C1orf185: variants seen among roughly 807,000 people sequenced by gnomAD.
C1orf185 encodes chromosome 1 open reading frame 185, also known as uncharacterized protein C1orf185.
In C1orf185, 13 loss-of-function variants were observed where a neutral mutation model predicts 16.1. The ratio of observed to expected loss-of-function variants is 0.81; its 90% CI spans 0.53 to 1.28. C1orf185 has a LOEUF of 1.28. Ranked by LOEUF, C1orf185 falls within the 50% of genes most tolerant of loss-of-function variation. C1orf185 has a pLI of 0.00. For synonymous variants in C1orf185, 80 were observed against 76.9 expected (o/e 1.04, Z -0.21); for missense variants, 220 against 225.2 (o/e 0.98, Z 0.15).
At chr1:51,127,577 C>T (rs569556334) in intron 3 of C1orf185, among the ~76,000 whole-genome samples, 5 of 152,122 alleles carry the variant, frequency 3.3e-5, no homozygotes, top group Admixed American at 1.3e-4. Flanking sequence ...TGAGCCACTG[C>T]GCCCAGCAGC....
At chr1:51,128,402 G>A (rs1306339424) in intron 3 of C1orf185, among the ~76,000 whole-genome samples, 1 of 121,370 alleles carries the variant, frequency 8.2e-6, no homozygotes, top group Non-Finnish European at 1.6e-5. Flanking sequence ...CTATTTTAGT[G>A]GGTGTAAAGC....
At chr1:51,106,887 A>C (rs781201483) in intron 1 of C1orf185, among the ~76,000 whole-genome samples, 1 of 151,708 alleles carries the variant, frequency 6.6e-6, no homozygotes, top group Non-Finnish European at 1.5e-5. Flanking sequence ...CCTCCCGAGT[A>C]ACTGGGATTA....
At chr1:51,117,439 T>C (rs548258456) in intron 2 of C1orf185, among the ~76,000 whole-genome samples, 1 of 152,288 alleles carries the variant, frequency 6.6e-6, no homozygotes, top group East Asian at 1.9e-4. Context: ...TTTCGATGAA[T>C]GTGTAAAATC....
chr1:51,130,938 T>C (rs567605023), intron 3 of C1orf185, among the ~76,000 whole-genome samples: 1 of 152,370 alleles, frequency 6.6e-6, no homozygotes, highest in South Asian at 2.1e-4. Context: ...GTTTCACTCT[T>C]GTCGCCCAGG....
intron 3 of C1orf185, among the ~76,000 whole-genome samples, chr1:51,141,686 C>A (rs1012436620): frequency 1.2e-4 from 18 of 152,158 alleles, no homozygotes; most frequent in African/African-American, 4.1e-4. Flanking sequence ...TGTTTCTGAA[C>A]CACTTAAAAG....
At chr1:51,108,312 C>A (rs908325501) in intron 1 of C1orf185, among the ~76,000 whole-genome samples, 2 of 151,550 alleles carry the variant, frequency 1.3e-5, no homozygotes, top group Non-Finnish European at 2.9e-5. Context: ...TTTTAATTGA[C>A]GTAATTGTGC....
rs959618523 is a variant in C1orf185 at position 51,145,748 on chromosome 1, G to A, written c.283G>A (p.Ala95Thr). 3.1e-6 allele frequency: 4 copies of A among 1,309,964 alleles called. No individual in the cohort carries two copies. In the African/African-American group the frequency reaches 4.5e-5, roughly 15 times the overall value. 81.1% of individuals were successfully genotyped at this position (1,309,964 alleles called of 1,614,324 possible). A position where few individuals can be genotyped will look rare whatever the true frequency, so the allele number is the denominator to read the frequency against. Residue 95 changes from alanine (A) to threonine (T), a missense_variant, in exon 4 of 5, where the codon GCA becomes ACA. Transcript: ENST00000371759. ...LQEEQRKKEA[A>T]HIKAIKDHSK... ...GGAGGAGCAAAGAAAAAAGGAAGCAGCACATATAAAAGGTATTTTTTCTCA... is the reference window on the plus strand; with the variant it reads ...GGAGGAGCAAAGAAAAAAGGAAGCAACACATATAAAAGGTATTTTTTCTCA...
At chr1:51,150,277 C>G (rs1378210677), downstream of C1orf185, among the ~76,000 whole-genome samples, 1 of 151,724 alleles carries the variant, frequency 6.6e-6, no homozygotes, top group South Asian at 2.1e-4. Flanking sequence ...TTGCAACCTC[C>G]GCTTCCCAGG....
intron 3 of C1orf185, among the ~76,000 whole-genome samples, chr1:51,144,774 A>G (rs1646388186): frequency 6.6e-6 from 1 of 152,084 alleles, no homozygotes; most frequent in Non-Finnish European, 1.5e-5. Flanking sequence ...CTTTTTTGGG[A>G]GACAGGCAAA....
In C1orf185 at chr1:51,147,712, T is replaced by C; in HGVS notation, c.541T>C (p.Tyr181His). 6.4e-7 allele frequency: 1 copy of C among 1,551,236 alleles called. No individual in the cohort carries two copies. The highest frequency in any genetic ancestry group is 8.7e-7 in the Non-Finnish European group (1 of 1,146,770). ...ACCTCTAATGGAAAAAGTATTTTCA[T>C]ACCTGTCAACCATTTCATTAGAAGA... Reference protein sequence around the residue: ...GEPLMEKVFSYLSTISLEEGT... With the variant: ...GEPLMEKVFSHLSTISLEEGT... The change falls in exon 5 of 5, where the codon TAC becomes CAC. Residue 181 changes from tyrosine (Y) to histidine (H), a missense_variant. By Grantham distance (83) the Tyr-to-His change is moderately conservative (BLOSUM62 2). Coordinates refer to ENST00000371759, the MANE Select transcript of C1orf185 (RefSeq NM_001136508.2).
intron 3 of C1orf185, among the ~76,000 whole-genome samples, chr1:51,123,942 T>A (rs1466198959): frequency 1.3e-5 from 2 of 151,428 alleles, no homozygotes; most frequent in Non-Finnish European, 2.9e-5. Context: ...CACATGTATA[T>A]ATATACACAC....
At chr1:51,135,591 C>T (rs1206145913) in intron 3 of C1orf185, among the ~76,000 whole-genome samples, 2 of 152,082 alleles carry the variant, frequency 1.3e-5, no homozygotes, top group Non-Finnish European at 2.9e-5. Context: ...AAAAGCCTTT[C>T]AATAAAATTT....
chr1:51,113,010 G>C (rs1207567827), intron 2 of C1orf185, among the ~76,000 whole-genome samples: 1 of 151,620 alleles, frequency 6.6e-6, no homozygotes. Context: ...GTAGAGACGG[G>C]GTTTCACCAT....
At chr1:51,138,645 A>G (rs921970478) in intron 3 of C1orf185, among the ~76,000 whole-genome samples, 1 of 150,458 alleles carries the variant, frequency 6.6e-6, no homozygotes, top group Non-Finnish European at 1.5e-5. Context: ...ACCTGCCTTC[A>G]CCTCCCAAAG....
chr1:51,122,544 A>G (rs1646205562), intron 3 of C1orf185, among the ~76,000 whole-genome samples: 1 of 152,162 alleles, frequency 6.6e-6, no homozygotes, highest in South Asian at 2.1e-4. Context: ...AACTATCCAC[A>G]TCCTACACCA....
At chr1:51,113,115 G>A (rs186667028) in intron 2 of C1orf185, among the ~76,000 whole-genome samples, 183 of 151,850 alleles carry the variant, frequency 1.2e-3, no homozygotes, top group Non-Finnish European at 1.7e-3. Context: ...CACCACACCC[G>A]GCCTTTATTT....
intron 2 of C1orf185, among the ~76,000 whole-genome samples, chr1:51,116,319 T>TC (rs1197375427): frequency 2.0e-5 from 3 of 151,222 alleles, no homozygotes; most frequent in Non-Finnish European, 3.0e-5. Context: ...CCTACCCTTT[T>TC]TTTTTTTTTT....
At chr1:51,121,669 G>A (rs1159295716) in intron 3 of C1orf185, among the ~76,000 whole-genome samples, 1 of 151,810 alleles carries the variant, frequency 6.6e-6, no homozygotes, top group East Asian at 1.9e-4. Flanking sequence ...GACCTCTATG[G>A]GGCAGGAGGA....
At chr1:51,146,649 C>G (rs2148034902) in intron 4 of C1orf185, among the ~76,000 whole-genome samples, 1 of 152,124 alleles carries the variant, frequency 6.6e-6, no homozygotes, top group Non-Finnish European at 1.5e-5. Flanking sequence ...ATGAGACAAA[C>G]TAATGAAAAT....
Sources: gnomAD v4.1 joint callset for allele counts (sites outside exome capture counted in the v4.1 genomes callset) on GRCh38, gnomAD v4.1.1 for gene constraint, MANE v1.5 for transcripts, NCBI Gene and HGNC (gene_info 2026-07-23, HGNC 2026-07-21) for gene names.